The following NRXN3 variants were observed in gnomAD, a reference collection of about 807,000 sequenced individuals.
NRXN3 encodes the protein neurexin 3, also known as neurexin III.
NRXN3 carries 32 observed loss-of-function variants against 137.6 expected under a neutral mutation model. The ratio of observed to expected loss-of-function variants is 0.23; its 90% CI spans 0.18 to 0.31. NRXN3 has a LOEUF of 0.31. NRXN3 is among the 10% of genes least tolerant of loss of function. The probability of loss-of-function intolerance (pLI) is 1.00; values close to 1 mark genes in which losing one functional copy is unlikely to be tolerated. For synonymous variants in NRXN3, 798 were observed against 784.5 expected (o/e 1.02, Z -0.29); for missense variants, 1,574 against 2,062.5 (o/e 0.76, Z 4.59).
At chr14:78,288,665 C>T (rs531391517) in intron 3 of NRXN3, among the ~76,000 whole-genome samples, 1 of 152,262 alleles carries the variant, frequency 6.6e-6, no homozygotes, top group African/African-American at 2.4e-5. Flanking sequence ...ACTTTCTTTC[C>T]TTTGGAATGA....
At chr14:78,764,984 C>G (rs2098704209) in intron 8 of NRXN3, among the ~76,000 whole-genome samples, 1 of 152,114 alleles carries the variant, frequency 6.6e-6, no homozygotes, top group Admixed American at 6.5e-5. Context: ...ACAAGATTTG[C>G]TTTGCTAGTG....
chr14:78,770,931 C>T (rs1478463979), intron 8 of NRXN3, among the ~76,000 whole-genome samples: 1 of 152,196 alleles, frequency 6.6e-6, no homozygotes, highest in Non-Finnish European at 1.5e-5. Flanking sequence ...CTTTCTCTTT[C>T]ATTGTTGGAG....
intron 15 of NRXN3, among the ~76,000 whole-genome samples, chr14:79,146,342 C>T (rs1437449210): frequency 6.6e-6 from 1 of 152,096 alleles, no homozygotes; most frequent in Non-Finnish European, 1.5e-5. Flanking sequence ...AACACAACAC[C>T]AAGGCTCTTA....
chr14:78,954,425 G>A (rs2099392745), intron 10 of NRXN3, among the ~76,000 whole-genome samples: 1 of 152,018 alleles, frequency 6.6e-6, no homozygotes, highest in Non-Finnish European at 1.5e-5. Context: ...ACTGTTGGAG[G>A]TATCAAATGT....
chr14:78,465,779 C>T (rs573411939), intron 4 of NRXN3, among the ~76,000 whole-genome samples: 4 of 151,818 alleles, frequency 2.6e-5, no homozygotes, highest in African/African-American at 9.7e-5. Context: ...GTGATCTGCC[C>T]GCCTCGGCTT....
intron 8 of NRXN3, among the ~76,000 whole-genome samples, chr14:78,796,226 GGCAGAGGTTCCAT>G (rs779742095): frequency 5.9e-5 from 9 of 152,194 alleles, no homozygotes; most frequent in Non-Finnish European, 1.2e-4. Flanking sequence ...TTGCTTATAA[GGCAGAGGTTCCAT>G]GCTGGGAAGG....
At chr14:79,052,461 T>C (rs2099643331) in intron 15 of NRXN3, among the ~76,000 whole-genome samples, 1 of 152,192 alleles carries the variant, frequency 6.6e-6, no homozygotes, top group Admixed American at 6.5e-5. Flanking sequence ...GCAGTTACAC[T>C]GGACTGATTT....
At chr14:78,976,287 T>A (rs1171985265) in intron 14 of NRXN3, among the ~76,000 whole-genome samples, 2 of 152,166 alleles carry the variant, frequency 1.3e-5, no homozygotes, top group Non-Finnish European at 2.9e-5. Flanking sequence ...AGGTTTTATT[T>A]CTGATGTTTA....
chr14:79,139,155 A>T (rs2058548300), intron 15 of NRXN3, among the ~76,000 whole-genome samples: 1 of 152,244 alleles, frequency 6.6e-6, no homozygotes, highest in African/African-American at 2.4e-5. Flanking sequence ...GAGCATTTTA[A>T]GTGTCCAGTA....
At chr14:78,322,452 G>A (rs1015349820) in intron 4 of NRXN3, among the ~76,000 whole-genome samples, 1 of 151,974 alleles carries the variant, frequency 6.6e-6, no homozygotes, top group Non-Finnish European at 1.5e-5. Flanking sequence ...TAATGTTGTA[G>A]CCTTATTTAA....
chr14:78,418,816 A>C (rs2093289876), intron 4 of NRXN3, among the ~76,000 whole-genome samples: 1 of 152,178 alleles, frequency 6.6e-6, no homozygotes, highest in Non-Finnish European at 1.5e-5. Flanking sequence ...ACTTCATTTC[A>C]ATTTATAACT....
intron 20 of NRXN3, among the ~76,000 whole-genome samples, chr14:79,832,034 G>C (rs1471876071): frequency 6.6e-6 from 1 of 152,108 alleles, no homozygotes; most frequent in Non-Finnish European, 1.5e-5. Context: ...AAAATCTGCA[G>C]ACGCTCAAAT....
chr14:79,239,007 G>A (rs187738494), intron 15 of NRXN3, among the ~76,000 whole-genome samples: 1 of 152,156 alleles, frequency 6.6e-6, no homozygotes, highest in African/African-American at 2.4e-5. Context: ...TTCCATGGGG[G>A]AAATGATCTA....
chr14:78,289,869 G>A (rs561516428), intron 3 of NRXN3, among the ~76,000 whole-genome samples: 1 of 152,290 alleles, frequency 6.6e-6, no homozygotes, highest in South Asian at 2.1e-4. Context: ...AGCTGAGATT[G>A]TGCCACTGCA....
At chr14:79,588,381 G>A (rs1381852418) in intron 16 of NRXN3, among the ~76,000 whole-genome samples, 2 of 152,104 alleles carry the variant, frequency 1.3e-5, no homozygotes, top group Admixed American at 1.3e-4. Flanking sequence ...TCATTTTTTA[G>A]TCAAAGGATA....
At chr14:78,778,315 C>T (rs2098751446) in intron 8 of NRXN3, among the ~76,000 whole-genome samples, 2 of 152,134 alleles carry the variant, frequency 1.3e-5, no homozygotes, top group Admixed American at 6.5e-5. Flanking sequence ...AACGGTTAGG[C>T]AATCCCATGG....
In NRXN3 at chr14:79,408,374, A is replaced by T. The variant is rs561865685; in HGVS notation, c.3263-58847A>T. On this transcript the variant is annotated intron_variant, in intron 15 of 20. Transcript: ENST00000335750. ...CGCAGCCCAACTAACTGAATTCTTT[A>T]TGTCACTTGAAGGATAACGTCACTA... Among the ~76,000 whole-genome samples the T allele has an allele frequency of 2.6e-5, 4 of 152,218 alleles. No individual in the cohort carries two copies. The East Asian group carries it at 5.8e-4, about 22-fold the overall frequency.
intron 17 of NRXN3, among the ~76,000 whole-genome samples, chr14:79,673,080 A>G (rs189355180): frequency 6.6e-6 from 1 of 152,158 alleles, no homozygotes; most frequent in African/African-American, 2.4e-5. Flanking sequence ...TCTCAAAGAG[A>G]TAAAGACCTT....
intron 15 of NRXN3, among the ~76,000 whole-genome samples, chr14:79,170,951 C>G (rs1288963765): frequency 6.6e-6 from 1 of 152,048 alleles, no homozygotes; most frequent in East Asian, 1.9e-4. Flanking sequence ...CAAAATACTA[C>G]TTTTTCAAGG....
Sources: allele counts gnomAD v4.1 joint callset (sites outside exome capture counted in the v4.1 genomes callset), GRCh38; gene constraint gnomAD v4.1.1; transcripts MANE v1.5; gene names NCBI Gene and HGNC (gene_info 2026-07-23, HGNC 2026-07-21).